VAT1L: variants seen among roughly 807,000 people sequenced by gnomAD.
The protein encoded by VAT1L is putative NADPH-dependent quinone oxidoreductase VAT1L.
VAT1L carries 34 observed loss-of-function variants against 44.1 expected under a neutral mutation model. The ratio of observed to expected loss-of-function variants is 0.77; its 90% CI spans 0.59 to 1.03. VAT1L has a LOEUF of 1.03. VAT1L is among the 50% of genes least tolerant of loss of function. The probability of loss-of-function intolerance (pLI) is 0.00; values close to 1 mark genes in which losing one functional copy is unlikely to be tolerated. For synonymous variants in VAT1L, 253 were observed against 202.2 expected (o/e 1.25, Z -2.13); for missense variants, 615 against 538.8 (o/e 1.14, Z -1.40).
chr16:77,827,371 A>T (rs1437030632), intron 3 of VAT1L, among the ~76,000 whole-genome samples: 2 of 152,198 alleles, frequency 1.3e-5, no homozygotes, highest in South Asian at 2.1e-4. Context: ...ATGATATTTC[A>T]TTTCATGTTT....
In VAT1L at chr16:77,842,073, G is replaced by A. The variant is rs186525536; in HGVS notation, c.579+16612G>A. Among the ~76,000 whole-genome samples the A allele has an allele frequency of 1.0e-3, 155 of 152,170 alleles. 4 individuals are homozygous for A. The East Asian group carries it at 0.016, about 15-fold the overall frequency. On this transcript the variant is annotated intron_variant, in intron 3 of 8. Coordinates refer to ENST00000302536, the MANE Select transcript of VAT1L (RefSeq NM_020927.3). ...TGGCTAATTTTTTGTGTTTTTAGTA[G>A]AGACGGGGTTTCACCATGTTAGCCA...
chr16:77,870,682 C>T (rs1269805644), intron 4 of VAT1L, among the ~76,000 whole-genome samples: 2 of 152,202 alleles, frequency 1.3e-5, no homozygotes, highest in African/African-American at 4.8e-5. Flanking sequence ...TTTAAATCCG[C>T]AGAGATTTAT....
intron 4 of VAT1L, among the ~76,000 whole-genome samples, chr16:77,874,232 A>G (rs539826845): frequency 4.6e-5 from 7 of 152,238 alleles, no homozygotes; most frequent in African/African-American, 1.7e-4. Flanking sequence ...GTCTTGGAGA[A>G]ATGCAGTTCA....
chr16:77,932,439 C>T (rs1008196385), intron 7 of VAT1L, among the ~76,000 whole-genome samples: 1 of 152,106 alleles, frequency 6.6e-6, no homozygotes, highest in African/African-American at 2.4e-5. Context: ...CCAGATTAAA[C>T]TAAGTTAGAT....
intron 1 of VAT1L, among the ~76,000 whole-genome samples, chr16:77,796,175 T>C (rs1253897124): frequency 6.6e-6 from 1 of 152,148 alleles, no homozygotes; most frequent in Non-Finnish European, 1.5e-5. Context: ...AAAATGGAGA[T>C]ACAACCTTAT....
intron 2 of VAT1L, among the ~76,000 whole-genome samples, chr16:77,820,144 A>G (rs1320480993): frequency 6.6e-6 from 1 of 152,180 alleles, no homozygotes; most frequent in Non-Finnish European, 1.5e-5. Context: ...TTGTATCTGG[A>G]ATCAGACTAT....
chr16:77,890,819 G>T (rs1429740462), intron 7 of VAT1L, among the ~76,000 whole-genome samples: 2 of 151,868 alleles, frequency 1.3e-5, no homozygotes, highest in East Asian at 3.9e-4. Context: ...AGGTACTCAG[G>T]AGGCTGAGGT....
At chr16:77,793,158 G>A (rs2015865271) in intron 1 of VAT1L, among the ~76,000 whole-genome samples, 1 of 152,090 alleles carries the variant, frequency 6.6e-6, no homozygotes, top group East Asian at 1.9e-4. Context: ...GTCACGCAAG[G>A]TGAAGTGCAG....
chr16:77,967,622 G>C (rs1017481628), intron 7 of VAT1L, among the ~76,000 whole-genome samples: 1 of 152,138 alleles, frequency 6.6e-6, no homozygotes, highest in Admixed American at 6.5e-5. Context: ...ATTTCAGAAA[G>C]AAATATCCAA....
chr16:77,921,339 A>C (rs1330363376), intron 7 of VAT1L, among the ~76,000 whole-genome samples: 1 of 152,204 alleles, frequency 6.6e-6, no homozygotes, highest in Non-Finnish European at 1.5e-5. Context: ...GACGTGTTGC[A>C]TTAAGAAGCA....
At chr16:77,938,191 T>C (rs955853756) in intron 7 of VAT1L, among the ~76,000 whole-genome samples, 5 of 152,152 alleles carry the variant, frequency 3.3e-5, no homozygotes, top group African/African-American at 1.2e-4. Context: ...TATGCTACCA[T>C]AGTGGCCCTA....
intron 7 of VAT1L, among the ~76,000 whole-genome samples, chr16:77,959,973 T>C (rs1037549413): frequency 6.6e-6 from 1 of 152,020 alleles, no homozygotes; most frequent in African/African-American, 2.4e-5. Context: ...TTCCTCTGCT[T>C]GGAATGGTCT....
At chr16:77,851,339 C>G (rs992273735) in intron 3 of VAT1L, among the ~76,000 whole-genome samples, 1 of 152,122 alleles carries the variant, frequency 6.6e-6, no homozygotes, top group Non-Finnish European at 1.5e-5. Context: ...TGGAATGATA[C>G]AGTCTTTAGA....
intron 3 of VAT1L, among the ~76,000 whole-genome samples, chr16:77,837,819 G>C (rs1377410724): frequency 6.6e-6 from 1 of 152,176 alleles, no homozygotes; most frequent in Non-Finnish European, 1.5e-5. Context: ...AGGGGGTCTT[G>C]TAATGGACTT....
intron 7 of VAT1L, among the ~76,000 whole-genome samples, chr16:77,928,888 C>A (rs1205919984): frequency 6.6e-6 from 1 of 152,104 alleles, no homozygotes; most frequent in African/African-American, 2.4e-5. Flanking sequence ...GCAATCTCAG[C>A]TCACTGCAAC....
At chr16:77,938,642 A>G (rs943876873) in intron 7 of VAT1L, among the ~76,000 whole-genome samples, 5 of 151,996 alleles carry the variant, frequency 3.3e-5, no homozygotes, top group Non-Finnish European at 5.9e-5. Context: ...TTTACCTTCC[A>G]CCATGATGGT....
chr16:77,934,341 T>C (rs1254924482), intron 7 of VAT1L, among the ~76,000 whole-genome samples: 1 of 152,112 alleles, frequency 6.6e-6, no homozygotes, highest in Non-Finnish European at 1.5e-5. Context: ...TTCTAATCCC[T>C]TGGACCTGTC....
chr16:77,802,615 A>ACAC (rs2016080153), intron 1 of VAT1L, among the ~76,000 whole-genome samples: 2 of 111,972 alleles, frequency 1.8e-5, no homozygotes, highest in Admixed American at 8.8e-5. Flanking sequence ...CCCCATCTCA[A>ACAC]ACACACACAC....
chr16:77,946,957 A>G (rs1020177924), intron 7 of VAT1L, among the ~76,000 whole-genome samples: 1 of 151,934 alleles, frequency 6.6e-6, no homozygotes, highest in Non-Finnish European at 1.5e-5. Flanking sequence ...ACCTCCCTCA[A>G]CCCCTTACTT....
Sources: allele counts gnomAD v4.1 joint callset (sites outside exome capture counted in the v4.1 genomes callset), GRCh38; gene constraint gnomAD v4.1.1; transcripts MANE v1.5; gene names NCBI Gene and HGNC (gene_info 2026-07-23, HGNC 2026-07-21).